Variants in SUMF1 observed in about 807,000 individuals in gnomAD.
The protein encoded by SUMF1 is formylglycine-generating enzyme.
In SUMF1, 48 loss-of-function variants were observed where a neutral mutation model predicts 47.6. The ratio of observed to expected loss-of-function variants is 1.01; its 90% CI spans 0.80 to 1.28. The LOEUF is 1.28. Ranked by LOEUF, SUMF1 falls within the 50% of genes most tolerant of loss-of-function variation. The probability of loss-of-function intolerance (pLI) is 0.00; values close to 1 mark genes in which losing one functional copy is unlikely to be tolerated. For missense variants in SUMF1, 571 were observed against 485.4 expected, an observed-to-expected ratio of 1.18 and a Z score of -1.66; for synonymous variants, 230 against 192.1, an observed-to-expected ratio of 1.20 and a Z score of -1.63.
intron 1 of SUMF1, among the ~76,000 whole-genome samples, chr3:4,456,658 G>GTGTA (rs2079615053): frequency 7.9e-6 from 1 of 126,404 alleles, no homozygotes; most frequent in African/African-American, 3.0e-5. Flanking sequence ...ATATGTGTGT[G>GTGTA]TATATATATA....
At chr3:4,193,242 A>G (rs527855502) in intron 8 of SUMF1, among the ~76,000 whole-genome samples, 5 of 151,822 alleles carry the variant, frequency 3.3e-5, no homozygotes, top group African/African-American at 1.2e-4. Flanking sequence ...TATTTAAATT[A>G]AATGAATAAT....
chr3:4,289,970 A>G (rs13068964), intron 8 of SUMF1, among the ~76,000 whole-genome samples: 61,951 of 152,106 alleles, frequency 0.41, 12,935 homozygotes, highest in African/African-American at 0.44. Flanking sequence ...GCATTTTTGC[A>G]ACTATTGGCA....
At chr3:4,174,804 C>T (rs961365695) in intron 8 of SUMF1, among the ~76,000 whole-genome samples, 4 of 152,072 alleles carry the variant, frequency 2.6e-5, no homozygotes, top group Non-Finnish European at 5.9e-5. Context: ...TGACAGACTA[C>T]CTGGAAAAAA....
intron 8 of SUMF1, among the ~76,000 whole-genome samples, chr3:4,264,006 CA>C (rs1219309630): frequency 5.3e-5 from 8 of 152,140 alleles, no homozygotes; most frequent in Non-Finnish European, 1.5e-5. Context: ...CTATTACGCA[CA>C]TAACATTTTC....
chr3:4,112,054 AT>A (rs1352832495), intron 8 of SUMF1, among the ~76,000 whole-genome samples: 49 of 152,218 alleles, frequency 3.2e-4, no homozygotes, highest in African/African-American at 1.2e-3. Context: ...GATATATGTG[AT>A]TATTACCCCT....
intron 7 of SUMF1, among the ~76,000 whole-genome samples, chr3:4,386,729 G>C (rs558164728): frequency 6.6e-6 from 1 of 152,034 alleles, no homozygotes; most frequent in South Asian, 2.1e-4. Flanking sequence ...TATAATGGTA[G>C]GTATACAGTT....
chr3:4,395,635 C>T lies in SUMF1; in HGVS notation c.954+15230G>A, dbSNP rs1431504983. On this transcript the variant is annotated intron_variant, in intron 7 of 8. Coordinates refer to ENST00000272902, the MANE Select transcript of SUMF1 (RefSeq NM_182760.4). The stretch of plus-strand genomic sequence containing the variant: ...AACCAGCATGCCATTGTGGTGATTA[C>T]CATTTTAGTGAAATGAATGAAAACA... 2.0e-5 allele frequency among the ~76,000 whole-genome samples: 3 copies of T among 152,168 alleles called. No homozygotes were observed. In the East Asian group the frequency reaches 5.8e-4, roughly 29 times the overall value.
chr3:4,096,382 T>A (rs1692904723), intron 8 of SUMF1, among the ~76,000 whole-genome samples: 1 of 152,162 alleles, frequency 6.6e-6, no homozygotes, highest in Non-Finnish European at 1.5e-5. Flanking sequence ...AGTTGTTGCT[T>A]GCCTCTTTCA....
At position 4,152,843 on chromosome 3, in the gene SUMF1, T is replaced by A. The variant is rs1315189349; in HGVS notation, c.1015-84098A>T. 1.3e-5 allele frequency among the ~76,000 whole-genome samples: 2 copies of A among 151,450 alleles called. 1 individual carries two copies. Among genetic ancestry groups the A allele is most frequent in the African/African-American group, 4.9e-5 (2 of 40,768 alleles). On this transcript the variant is annotated intron_variant and NMD_transcript_variant, in intron 8 of 12. Transcript: ENST00000448413. ...ACTCCAAAAGCGCTATTGAGTAATA[T>A]CATTGTTACTGATGGACTCATGGAT...
At chr3:4,133,283 G>C (rs902617432) in intron 8 of SUMF1, among the ~76,000 whole-genome samples, 3 of 152,066 alleles carry the variant, frequency 2.0e-5, no homozygotes, top group Admixed American at 2.0e-4. Context: ...TTTGGGTTGG[G>C]GATTAGTGTG....
chr3:4,118,384 C>CAAA (rs58975555), intron 8 of SUMF1, among the ~76,000 whole-genome samples: 37 of 146,930 alleles, frequency 2.5e-4, no homozygotes, highest in African/African-American at 8.7e-4. Context: ...AATATAGAGC[C>CAAA]AAAAAAAAAT....
chr3:4,177,246 G>A (rs982538645), intron 8 of SUMF1, among the ~76,000 whole-genome samples: 6 of 152,180 alleles, frequency 3.9e-5, no homozygotes, highest in Admixed American at 1.3e-4. Context: ...ATTCTTCTCA[G>A]TACCACATCA....
chr3:4,304,980 G>A (rs1320459157), intron 8 of SUMF1, among the ~76,000 whole-genome samples: 1 of 151,492 alleles, frequency 6.6e-6, no homozygotes, highest in African/African-American at 2.4e-5. Context: ...GGTGGGGGGG[G>A]CTTCCAGACT....
chr3:4,085,038 A>T (rs986309219), intron 8 of SUMF1, among the ~76,000 whole-genome samples: 14 of 152,118 alleles, frequency 9.2e-5, no homozygotes, highest in African/African-American at 3.4e-4. Context: ...CTCTATGCAT[A>T]TTAAAATAGA....
intron 8 of SUMF1, among the ~76,000 whole-genome samples, chr3:4,297,580 T>TTTC (rs1697879340): frequency 6.7e-6 from 1 of 149,402 alleles, no homozygotes; most frequent in Non-Finnish European, 1.5e-5. Context: ...TTTTTTTTTT[T>TTTC]TTTTTGAGAT....
In SUMF1 at chr3:4,336,229, G is replaced by C. The variant is rs536378774; in HGVS notation, c.1014+40101C>G. On this transcript the variant is annotated intron_variant and NMD_transcript_variant, in intron 8 of 12. Coordinates refer to the SUMF1 transcript ENST00000448413. ...ATTTTGTGAACTTTAGTATTTAAAG[G>C]GGAAAGAGCAAGCAAAAAGGGGAAA... Among the ~76,000 whole-genome samples the C allele has an allele frequency of 7.2e-5, 11 of 152,158 alleles. No individual in the cohort carries two copies. In the South Asian group the frequency reaches 1.9e-3, roughly 26 times the overall value.
At chr3:4,435,095 T>C (rs1433527849) in intron 3 of SUMF1, among the ~76,000 whole-genome samples, 1 of 151,996 alleles carries the variant, frequency 6.6e-6, no homozygotes, top group Admixed American at 6.6e-5. Context: ...CCCGGCTGAT[T>C]TTTGTATTTT....
At chr3:4,096,457 G>A (rs965859890) in intron 8 of SUMF1, among the ~76,000 whole-genome samples, 1 of 152,126 alleles carries the variant, frequency 6.6e-6, no homozygotes, top group Non-Finnish European at 1.5e-5. Flanking sequence ...AAGAGTGAGT[G>A]AAAAGTAGAA....
At chr3:4,438,191 T>C (rs1702463151) in intron 3 of SUMF1, among the ~76,000 whole-genome samples, 1 of 148,916 alleles carries the variant, frequency 6.7e-6, no homozygotes, top group African/African-American at 2.5e-5. Context: ...TTTTTTCTCA[T>C]AAAAATATTT....
Sources: allele counts gnomAD v4.1 joint callset (sites outside exome capture counted in the v4.1 genomes callset), GRCh38; gene constraint gnomAD v4.1.1; transcripts MANE v1.5; gene names NCBI Gene and HGNC (gene_info 2026-07-23, HGNC 2026-07-21).